The following TBC1D5 variants were observed in gnomAD, a reference collection of about 807,000 sequenced individuals.
TBC1D5 encodes TBC1 domain family, member 5.
TBC1D5 carries 75 observed loss-of-function variants against 100.3 expected under a neutral mutation model. The ratio of observed to expected loss-of-function variants is 0.75; its 90% CI spans 0.62 to 0.91. The LOEUF (loss-of-function observed/expected upper bound fraction) is 0.91, where lower values mean the gene tolerates loss of function less well. Among genes scored for constraint, TBC1D5 ranks in the 40% least tolerant of loss-of-function variants. TBC1D5 has a pLI of 0.00. For missense variants in TBC1D5, 910 were observed against 942.4 expected, an observed-to-expected ratio of 0.97 and a Z score of 0.45; for synonymous variants, 323 against 325.6, an observed-to-expected ratio of 0.99 and a Z score of 0.09.
intron 10 of TBC1D5, among the ~76,000 whole-genome samples, chr3:17,375,309 C>G (rs1259673769): frequency 6.6e-6 from 1 of 151,956 alleles, no homozygotes; most frequent in South Asian, 2.1e-4. Context: ...TGGCTCACAC[C>G]TGTAATCCCA....
At chr3:17,549,102 A>T (rs1490929901) in intron 2 of TBC1D5, among the ~76,000 whole-genome samples, 1 of 152,172 alleles carries the variant, frequency 6.6e-6, no homozygotes, top group Admixed American at 6.5e-5. Flanking sequence ...GTTAGAGACC[A>T]GCCTGACCAA....
intron 3 of TBC1D5, among the ~76,000 whole-genome samples, chr3:17,442,499 T>C (rs2094686424): frequency 6.6e-6 from 1 of 152,216 alleles, no homozygotes; most frequent in African/African-American, 2.4e-5. Flanking sequence ...AGGAGGCAAA[T>C]GTTATGATAA....
intron 1 of TBC1D5, among the ~76,000 whole-genome samples, chr3:17,698,514 A>G (rs1272328958): frequency 1.3e-5 from 2 of 152,038 alleles, no homozygotes; most frequent in African/African-American, 4.8e-5. Flanking sequence ...CACCAAAAGC[A>G]ATGGCAACAA....
At chr3:17,721,550 C>T (rs996154879) in intron 1 of TBC1D5, among the ~76,000 whole-genome samples, 2 of 152,004 alleles carry the variant, frequency 1.3e-5, no homozygotes, top group Admixed American at 6.6e-5. Flanking sequence ...GCCTTCATGC[C>T]ACTGCCTCTT....
chr3:17,665,903 T>C (rs527927985), intron 1 of TBC1D5, among the ~76,000 whole-genome samples: 1 of 152,284 alleles, frequency 6.6e-6, no homozygotes, highest in South Asian at 2.1e-4. Context: ...AGAGGGTCTT[T>C]TGTGTGTGTG....
At chr3:17,355,935 A>G (rs1015980220) in intron 13 of TBC1D5, among the ~76,000 whole-genome samples, 6 of 152,312 alleles carry the variant, frequency 3.9e-5, no homozygotes, top group Admixed American at 2.6e-4. Flanking sequence ...AATTCCAGAG[A>G]GAAAATTCCA....
At chr3:17,324,188 C>G (rs1260375850) in intron 13 of TBC1D5, among the ~76,000 whole-genome samples, 1 of 152,132 alleles carries the variant, frequency 6.6e-6, no homozygotes, top group African/African-American at 2.4e-5. Flanking sequence ...GATAACAGGC[C>G]TAAGGGCAAC....
intron 16 of TBC1D5, among the ~76,000 whole-genome samples, chr3:17,239,443 T>G (rs2149059453): frequency 6.6e-6 from 1 of 152,202 alleles, no homozygotes; most frequent in East Asian, 1.9e-4. Context: ...ACTGAACTCT[T>G]GTTCCTTTCA....
At chr3:17,211,483 A>G (rs1223736884) in intron 18 of TBC1D5, among the ~76,000 whole-genome samples, 3 of 152,224 alleles carry the variant, frequency 2.0e-5, no homozygotes, top group African/African-American at 7.2e-5. Flanking sequence ...TCAGAGAATT[A>G]AATTTTCAGT....
Position 17,169,075 on chromosome 3 carries a change from C to A in TBC1D5, c.1853-1247G>T, listed in dbSNP as rs190847889. ...TTCCTCAGAGCAGCCTTCCTGCCCACCCAGACTAAAGAAGCCCCCAAATGA... is the reference window on the plus strand; with the variant it reads ...TTCCTCAGAGCAGCCTTCCTGCCCAACCAGACTAAAGAAGCCCCCAAATGA... On this transcript the variant is annotated intron_variant, in intron 19 of 21. Transcript: ENST00000253692. 1.4e-3 allele frequency among the ~76,000 whole-genome samples: 206 copies of A among 152,322 alleles called. 1 individual carries two copies. The highest frequency in any genetic ancestry group is 4.7e-3 in the African/African-American group (195 of 41,578).
chr3:17,505,021 A>T (rs1454166708), intron 3 of TBC1D5, among the ~76,000 whole-genome samples: 1 of 152,250 alleles, frequency 6.6e-6, no homozygotes, highest in Non-Finnish European at 1.5e-5. Context: ...ATAGGAAGCA[A>T]AACGGAGTTG....
chr3:17,169,692 A>T (rs2066979308), intron 19 of TBC1D5, among the ~76,000 whole-genome samples: 1 of 152,244 alleles, frequency 6.6e-6, no homozygotes, highest in Admixed American at 6.5e-5. Context: ...CAATAAAAAA[A>T]ACAAAAAACA....
At chr3:17,607,327 C>T (rs1240735177) in intron 2 of TBC1D5, among the ~76,000 whole-genome samples, 3 of 152,022 alleles carry the variant, frequency 2.0e-5, no homozygotes, top group Non-Finnish European at 2.9e-5. Context: ...GGAATAAAAT[C>T]CTTTTTAGAG....
chr3:17,631,766 G>C (rs2063524033), intron 1 of TBC1D5, among the ~76,000 whole-genome samples: 1 of 152,194 alleles, frequency 6.6e-6, no homozygotes, highest in African/African-American at 2.4e-5. Context: ...TCTGTTTGCA[G>C]TGTGATTTAT....
intron 1 of TBC1D5, among the ~76,000 whole-genome samples, chr3:17,699,066 T>C (rs549661395): frequency 5.3e-5 from 8 of 151,712 alleles, no homozygotes; most frequent in African/African-American, 1.9e-4. Context: ...GGACTATAAA[T>C]CATGCTGCTA....
chr3:17,474,814 G>A (rs1176827670), intron 3 of TBC1D5, among the ~76,000 whole-genome samples: 2 of 152,094 alleles, frequency 1.3e-5, no homozygotes, highest in African/African-American at 4.8e-5. Context: ...ATTGCCAAAT[G>A]GAATGCCGGA....
chr3:17,562,199 T>C (rs1202759407), intron 2 of TBC1D5: 1 of 151,478 alleles, frequency 6.6e-6, no homozygotes, highest in Non-Finnish European at 1.5e-5. Flanking sequence ...AAACAAAATA[T>C]AAAACTTCCA....
intron 1 of TBC1D5, among the ~76,000 whole-genome samples, chr3:17,626,409 C>T (rs1208935555): frequency 6.6e-6 from 1 of 152,080 alleles, no homozygotes; most frequent in African/African-American, 2.4e-5. Context: ...AATAAGTGGG[C>T]ATTTGTAATG....
chr3:17,163,747 A>G (rs1385869422), intron 21 of TBC1D5, among the ~76,000 whole-genome samples: 1 of 152,240 alleles, frequency 6.6e-6, no homozygotes, highest in Non-Finnish European at 1.5e-5. Flanking sequence ...GTGCTACTCA[A>G]TACAGCAGCC....
Sources: allele counts gnomAD v4.1 joint callset (sites outside exome capture counted in the v4.1 genomes callset), GRCh38; gene constraint gnomAD v4.1.1; transcripts MANE v1.5; gene names NCBI Gene and HGNC (gene_info 2026-07-23, HGNC 2026-07-21).